ARHGAP10: variants seen among roughly 807,000 people sequenced by gnomAD.
ARHGAP10 encodes rho GTPase-activating protein 10.
In ARHGAP10, 87 loss-of-function variants were observed where a neutral mutation model predicts 108.6. The observed-to-expected ratio is 0.80, with a 90% CI of 0.67 to 0.96. ARHGAP10 has a LOEUF of 0.96. ARHGAP10 is among the 40% of genes least tolerant of loss of function. The pLI is 0.00. For missense variants in ARHGAP10, 939 were observed against 954.5 expected, an observed-to-expected ratio of 0.98 and a Z score of 0.21; for synonymous variants, 347 against 341.1, an observed-to-expected ratio of 1.02 and a Z score of -0.19.
At chr4:148,005,679 T>G (rs758153077) in intron 18 of ARHGAP10, among the ~76,000 whole-genome samples, 10 of 152,254 alleles carry the variant, frequency 6.6e-5, no homozygotes, top group Non-Finnish European at 1.5e-4. Context: ...GAAGAAACTT[T>G]AAACAGTGAA....
intron 18 of ARHGAP10, among the ~76,000 whole-genome samples, chr4:147,990,863 A>G (rs1740245975): frequency 6.6e-6 from 1 of 152,040 alleles, no homozygotes; most frequent in South Asian, 2.1e-4. Context: ...AAAATACAGA[A>G]AAACGGGCCT....
intron 18 of ARHGAP10, among the ~76,000 whole-genome samples, chr4:147,993,835 T>G (rs564727284): frequency 6.6e-6 from 1 of 152,362 alleles, no homozygotes; most frequent in East Asian, 1.9e-4. Context: ...CTAAGCATTC[T>G]AGTCTGCTTG....
At chr4:148,052,007 A>C (rs1729158687) in intron 20 of ARHGAP10, among the ~76,000 whole-genome samples, 1 of 152,182 alleles carries the variant, frequency 6.6e-6, no homozygotes, top group Non-Finnish European at 1.5e-5. Context: ...GAAGTCAATA[A>C]ATTTTGCTGG....
chr4:147,832,072 CT>C lies in ARHGAP10; in HGVS notation c.312+9116del, dbSNP rs199842614. 1.2e-3 allele frequency among the ~76,000 whole-genome samples: 190 copies of C among 152,246 alleles called. 1 individual carries two copies. The highest frequency in any genetic ancestry group is 4.3e-3 in the African/African-American group (179 of 41,558). On this transcript the variant is annotated intron_variant, in intron 3 of 22. Transcript: ENST00000336498. Reference sequence around the variant, plus strand: ...GGCCAACTCTGCTCTCTTCTTCCCCCTGACTGCCCCGCCCGACATACACACA... The same window carrying C: ...GGCCAACTCTGCTCTCTTCTTCCCCCGACTGCCCCGCCCGACATACACACA...
chr4:147,762,213 G>A (rs1464631653), intron 1 of ARHGAP10, among the ~76,000 whole-genome samples: 1 of 152,102 alleles, frequency 6.6e-6, no homozygotes, highest in Non-Finnish European at 1.5e-5. Context: ...TCACCATGTT[G>A]GCTGGGCTTG....
At chr4:147,966,198 A>G (rs1739195439) in intron 17 of ARHGAP10, among the ~76,000 whole-genome samples, 1 of 152,110 alleles carries the variant, frequency 6.6e-6, no homozygotes, top group Admixed American at 6.5e-5. Context: ...AGAGGGGAAC[A>G]GTAAACTAAG....
intron 5 of ARHGAP10, 180 bp from the exon 6 acceptor site, chr4:147,864,666 G>A (rs914163523): frequency 5.6e-6 from 3 of 534,444 alleles, no homozygotes; most frequent in African/African-American, 3.9e-5. Flanking sequence ...TGCTGTTGCA[G>A]CAGGAAAGTA....
At chr4:147,963,752 T>C (rs1739092492) in intron 16 of ARHGAP10, among the ~76,000 whole-genome samples, 1 of 152,188 alleles carries the variant, frequency 6.6e-6, no homozygotes, top group African/African-American at 2.4e-5. Context: ...CTCTGAAGAC[T>C]GTAGGAGGGA....
intron 18 of ARHGAP10, among the ~76,000 whole-genome samples, chr4:148,010,647 C>A (rs1741134402): frequency 6.6e-6 from 1 of 152,096 alleles, no homozygotes; most frequent in South Asian, 2.1e-4. Flanking sequence ...AAAACAAGGA[C>A]AAATTCAGGA....
At chr4:147,818,347 C>T (rs1732343495) in intron 1 of ARHGAP10, among the ~76,000 whole-genome samples, 1 of 151,784 alleles carries the variant, frequency 6.6e-6, no homozygotes, top group Non-Finnish European at 1.5e-5. Flanking sequence ...AGGTGGATCA[C>T]CTGAGGTCGG....
intron 22 of ARHGAP10, among the ~76,000 whole-genome samples, chr4:148,065,977 C>G (rs1411469273): frequency 6.4e-5 from 1 of 15,590 alleles, no homozygotes; most frequent in Admixed American, 9.9e-4. Flanking sequence ...GAGACCCCAT[C>G]TCAAAAAAAA....
At chr4:147,735,070 TAG>T (rs1315436678) in intron 1 of ARHGAP10, among the ~76,000 whole-genome samples, 2 of 152,172 alleles carry the variant, frequency 1.3e-5, no homozygotes, top group African/African-American at 4.8e-5. Flanking sequence ...CATAAATATT[TAG>T]AGTTTTGAGG....
At chr4:147,801,264 C>T (rs1731570262) in intron 1 of ARHGAP10, among the ~76,000 whole-genome samples, 1 of 152,174 alleles carries the variant, frequency 6.6e-6, no homozygotes, top group South Asian at 2.1e-4. Flanking sequence ...TCCTGGGGCT[C>T]TATTGGTCGT....
At chr4:148,032,925 G>T (rs1486488242) in intron 19 of ARHGAP10, among the ~76,000 whole-genome samples, 1 of 152,108 alleles carries the variant, frequency 6.6e-6, no homozygotes, top group Non-Finnish European at 1.5e-5. Context: ...ACCTTCTTCT[G>T]CCTGCTTTAT....
chr4:147,945,818 G>A (rs373514100), intron 14 of ARHGAP10, among the ~76,000 whole-genome samples: 2 of 152,152 alleles, frequency 1.3e-5, no homozygotes, highest in Non-Finnish European at 2.9e-5. Context: ...TTAGACATGC[G>A]GACACAGTGA....
chr4:147,828,989 C>T (rs1329075877), intron 3 of ARHGAP10, among the ~76,000 whole-genome samples: 1 of 151,788 alleles, frequency 6.6e-6, no homozygotes, highest in East Asian at 1.9e-4. Flanking sequence ...AGCGATTTTC[C>T]TGCCTCAGCC....
intron 1 of ARHGAP10, among the ~76,000 whole-genome samples, chr4:147,820,612 A>G (rs1732453841): frequency 6.2e-5 from 4 of 64,574 alleles, no homozygotes; most frequent in African/African-American, 7.3e-5. Context: ...TTTTTTTTTG[A>G]GACAGGGTCT....
chr4:147,847,363 T>A, intron 4 of ARHGAP10, 141 bp downstream of exon 4: 4 of 772,102 alleles, frequency 5.2e-6, no homozygotes, highest in Non-Finnish European at 8.2e-6. Flanking sequence ...TTTTCCCCCT[T>A]TGGGGGATAT....
At chr4:147,866,627 CG>C in intron 6 of ARHGAP10, 84 bp from the exon 7 acceptor site, 1 of 917,710 alleles carries the variant, frequency 1.1e-6, no homozygotes. Context: ...AGTGAGATGG[CG>C]GGGGGAACAC....
Sources: allele counts gnomAD v4.1 joint callset (sites outside exome capture counted in the v4.1 genomes callset), GRCh38; gene constraint gnomAD v4.1.1; transcripts MANE v1.5; gene names NCBI Gene and HGNC (gene_info 2026-07-23, HGNC 2026-07-21).